Variants in RHBDD1 observed in about 807,000 individuals in gnomAD.
The protein encoded by RHBDD1 is rhomboid domain containing 1, also known as rhomboid-related protein 4.
Under a neutral mutation model 36.3 loss-of-function variants are expected in RHBDD1, and 38 were observed. The observed-to-expected ratio is 1.05, with a 90% CI of 0.81 to 1.37. The LOEUF (loss-of-function observed/expected upper bound fraction) is 1.37. Ranked by LOEUF, RHBDD1 falls within the 40% of genes most tolerant of loss-of-function variation. The pLI is 0.00. For synonymous variants in RHBDD1, 151 were observed against 136.5 expected (o/e 1.11, Z -0.74); for missense variants, 393 against 377.6 (o/e 1.04, Z -0.34).
Position 226,995,782 on chromosome 2 carries a change from C to T in RHBDD1, c.*260C>T, listed in dbSNP as rs984856028. The stretch of plus-strand genomic sequence containing the variant: ...ATGAAGAGACCAGTTTCCACGCTCC[C>T]ATCTCTCACTGCTGACTCAGCGATG... On this transcript the variant is annotated 3_prime_UTR_variant, in exon 9 of 9. Coordinates refer to ENST00000392062, the MANE Select transcript of RHBDD1 (RefSeq NM_001167608.3). 2.1e-6 allele frequency: 1 copy of T among 473,438 alleles called. No homozygotes were observed. The highest frequency in any genetic ancestry group is 3.5e-5 in the South Asian group (1 of 28,978). 29.3% of individuals were successfully genotyped at this position (473,438 alleles called of 1,614,324 possible).
chr2:226,903,077 A>T (rs928203080), intron 5 of RHBDD1, among the ~76,000 whole-genome samples: 1 of 152,094 alleles, frequency 6.6e-6, no homozygotes, highest in Non-Finnish European at 1.5e-5. Flanking sequence ...AGTTATTATT[A>T]TTTTTTTAAC....
intron 8 of RHBDD1, among the ~76,000 whole-genome samples, chr2:226,956,631 GC>G (rs1271576155): frequency 6.6e-6 from 1 of 152,146 alleles, no homozygotes; most frequent in Non-Finnish European, 1.5e-5. Flanking sequence ...ATGACTTGGG[GC>G]CCAGAATCTT....
chr2:226,951,581 AT>A (rs1951429668), intron 8 of RHBDD1, among the ~76,000 whole-genome samples: 1 of 152,188 alleles, frequency 6.6e-6, no homozygotes, highest in Admixed American at 6.5e-5. Flanking sequence ...ATGATTGAAT[AT>A]TTTCAGGGTC....
At position 226,907,087 on chromosome 2, in the gene RHBDD1, C is replaced by T. The variant is rs1948118125; in HGVS notation, c.655+206C>T. The T allele has an allele frequency of 1.6e-5, 10 of 623,572 alleles. No homozygotes were observed. In the South Asian group the frequency reaches 1.7e-4, roughly 11 times the overall value. 38.6% of individuals were successfully genotyped at this position (623,572 alleles called of 1,614,324 possible). On this transcript the variant is annotated intron_variant, in intron 6 of 8. Transcript: ENST00000392062. ...GAGGCTGCAAACTTAAATTTCGAAT[C>T]TGATACTTTCTTAGGGGACAAATAT...
chr2:226,900,238 T>G (rs4439949), intron 5 of RHBDD1, among the ~76,000 whole-genome samples: 67,633 of 152,078 alleles, frequency 0.44, 15,219 homozygotes, highest in South Asian at 0.52. Flanking sequence ...TTATTGTTCC[T>G]TATTAAAGTG....
intron 8 of RHBDD1, among the ~76,000 whole-genome samples, chr2:226,915,649 T>C (rs773246986): frequency 6.6e-6 from 1 of 152,146 alleles, no homozygotes; most frequent in Non-Finnish European, 1.5e-5. Flanking sequence ...ATAGTCTTAG[T>C]AGCAACAGTG....
Position 226,949,875 on chromosome 2 carries a change from T to C in RHBDD1, c.856+35524T>C, listed in dbSNP as rs557214174. 2.6e-5 allele frequency among the ~76,000 whole-genome samples: 4 copies of C among 152,236 alleles called. No individual in the cohort carries two copies. The South Asian group carries it at 8.3e-4, about 32-fold the overall frequency. ...TTTGCATCCAAATTTCCCTCTCTTA[T>C]AAGGATACTAGTCAGATTGGTTTAA... On this transcript the variant is annotated intron_variant, in intron 8 of 8. Transcript: ENST00000392062.
rs979701574 is a variant in RHBDD1, at chr2:226,964,080, G to T, written c.857-31351G>T. 2.0e-5 allele frequency among the ~76,000 whole-genome samples: 3 copies of T among 152,120 alleles called. No homozygotes were observed. The East Asian group carries it at 5.8e-4, about 29-fold the overall frequency. On this transcript the variant is annotated intron_variant, in intron 8 of 8. Transcript: ENST00000392062. ...TGGATCCCTCCCATCAACACTGAAAGATATTCTTAGTCTCTCTCCTCTCCT... is the reference window on the plus strand; with the variant it reads ...TGGATCCCTCCCATCAACACTGAAATATATTCTTAGTCTCTCTCCTCTCCT...
At chr2:226,961,375 CAT>C (rs761052588) in intron 8 of RHBDD1, among the ~76,000 whole-genome samples, 5 of 152,216 alleles carry the variant, frequency 3.3e-5, no homozygotes, top group African/African-American at 1.2e-4. Flanking sequence ...TCCTCTTCCA[CAT>C]GTTTTCTCTC....
intron 7 of RHBDD1, 109 bp downstream of exon 7, chr2:226,908,987 T>A: frequency 1.4e-6 from 1 of 721,468 alleles, no homozygotes; most frequent in East Asian, 2.7e-5. Context: ...GTAGGGTCAT[T>A]CACATGTTGT....
chr2:226,877,833 C>G (rs1305562635), intron 5 of RHBDD1, among the ~76,000 whole-genome samples: 1 of 152,122 alleles, frequency 6.6e-6, no homozygotes, highest in Non-Finnish European at 1.5e-5. Flanking sequence ...TTCCTAAACA[C>G]CATGAATATG....
intron 8 of RHBDD1, among the ~76,000 whole-genome samples, chr2:226,960,792 A>G (rs1033660960): frequency 1.3e-5 from 2 of 152,140 alleles, no homozygotes; most frequent in African/African-American, 4.8e-5. Context: ...CATTCCCTTC[A>G]TGCCCCCTGC....
chr2:226,981,569 T>TACAC (rs3055611), intron 8 of RHBDD1, among the ~76,000 whole-genome samples: 9,538 of 150,228 alleles, frequency 0.063, 964 homozygotes, highest in African/African-American at 0.21. Flanking sequence ...TGCACACACA[T>TACAC]ACACACACAC....
chr2:226,847,447 A>G (rs1435207698), intron 3 of RHBDD1, among the ~76,000 whole-genome samples: 2 of 134,248 alleles, frequency 1.5e-5, no homozygotes, highest in East Asian at 2.0e-4. Context: ...ATTGACATAT[A>G]TTTTTATTAT....
intron 8 of RHBDD1, among the ~76,000 whole-genome samples, chr2:226,990,916 C>T (rs893949503): frequency 1.3e-4 from 20 of 152,162 alleles, no homozygotes; most frequent in Admixed American, 1.1e-3. Context: ...AGGGCCGTTT[C>T]ACCCAGGCCT....
chr2:226,889,766 A>T (rs1362091327), intron 5 of RHBDD1, among the ~76,000 whole-genome samples: 1 of 152,198 alleles, frequency 6.6e-6, no homozygotes, highest in East Asian at 1.9e-4. Flanking sequence ...CCGAAGGTAT[A>T]TCCATCAGGG....
At chr2:226,911,459 C>G (rs890448557) in intron 7 of RHBDD1, among the ~76,000 whole-genome samples, 2 of 151,208 alleles carry the variant, frequency 1.3e-5, no homozygotes, top group African/African-American at 2.4e-5. Flanking sequence ...ATTAGTGTTG[C>G]AGAATGGTTG....
chr2:226,964,656 G>A (rs540398726), intron 8 of RHBDD1, among the ~76,000 whole-genome samples: 21 of 152,218 alleles, frequency 1.4e-4, no homozygotes, highest in Non-Finnish European at 2.4e-4. Context: ...GATGCATCAT[G>A]TACAAACTGA....
At position 226,865,070 on chromosome 2, in the gene RHBDD1, T is replaced by C; in HGVS notation, c.377T>C (p.Val126Ala). 6.2e-7 allele frequency: 1 copy of C among 1,614,166 alleles called. No homozygotes were observed. The highest frequency in any genetic ancestry group is 8.5e-7 in the Non-Finnish European group (1 of 1,180,032). The change falls in exon 4 of 9, where the codon GTT (valine) becomes GCT (alanine). Residue 126 changes from valine to alanine, a missense_variant. Transcript: ENST00000392062. ...GTATACCTGCTCTTGCAATTTGCTG[T>C]TGCCGAATTTATGGATGAACCTGAC... ...GVVYLLLQFA[V>A]AEFMDEPDFK...
Sources: allele counts gnomAD v4.1 joint callset (sites outside exome capture counted in the v4.1 genomes callset), GRCh38; gene constraint gnomAD v4.1.1; transcripts MANE v1.5; gene names NCBI Gene and HGNC (gene_info 2026-07-23, HGNC 2026-07-21).